Variants in NWD2 observed in about 807,000 individuals in gnomAD.
NWD2 encodes the protein NACHT and WD repeat domain-containing protein 2.
In NWD2, 37 loss-of-function variants were observed where a neutral mutation model predicts 132.7. The ratio of observed to expected loss-of-function variants is 0.28; its 90% CI spans 0.21 to 0.37. NWD2 has a LOEUF of 0.37. NWD2 is among the 10% of genes least tolerant of loss of function. NWD2 has a pLI of 1.00. For synonymous variants in NWD2, 705 were observed against 803.0 expected (o/e 0.88, Z 2.06); for missense variants, 1,592 against 2,122.4 (o/e 0.75, Z 4.91).
intron 3 of NWD2, among the ~76,000 whole-genome samples, chr4:37,411,075 A>G (rs1009600233): frequency 3.9e-5 from 6 of 152,352 alleles, no homozygotes; most frequent in African/African-American, 1.2e-4. Flanking sequence ...TAACATCAAA[A>G]TTAAAAGAAT....
chr4:37,429,906 C>T (rs1712122571), intron 3 of NWD2, among the ~76,000 whole-genome samples: 1 of 152,174 alleles, frequency 6.6e-6, no homozygotes, highest in South Asian at 2.1e-4. Context: ...CCTGATTAGG[C>T]TTCAAATGCT....
chr4:37,403,390 C>T (rs2109316192), intron 3 of NWD2, among the ~76,000 whole-genome samples: 1 of 152,122 alleles, frequency 6.6e-6, no homozygotes, highest in African/African-American at 2.4e-5. Context: ...CATGAAGGGT[C>T]CAGAATAATT....
intron 3 of NWD2, among the ~76,000 whole-genome samples, chr4:37,375,520 A>G (rs1720329409): frequency 6.6e-6 from 1 of 151,904 alleles, no homozygotes; most frequent in African/African-American, 2.4e-5. Context: ...CCAAGCAAGC[A>G]GTCACAGGTG....
intron 1 of NWD2, among the ~76,000 whole-genome samples, chr4:37,282,165 CTCTT>C (rs1718141942): frequency 1.3e-5 from 2 of 152,194 alleles, no homozygotes; most frequent in South Asian, 4.1e-4. Flanking sequence ...AAAGCAACAG[CTCTT>C]TCTATGAAAG....
intron 3 of NWD2, among the ~76,000 whole-genome samples, chr4:37,356,903 G>C (rs1719882309): frequency 6.6e-6 from 1 of 152,176 alleles, no homozygotes; most frequent in Non-Finnish European, 1.5e-5. Context: ...CATTGTTAAA[G>C]TAAATCAAAT....
chr4:37,268,406 G>A (rs777398644), intron 1 of NWD2, among the ~76,000 whole-genome samples: 3 of 151,732 alleles, frequency 2.0e-5, no homozygotes, highest in African/African-American at 4.8e-5. Flanking sequence ...GATCTTTTAC[G>A]TTATTCCTTC....
At chr4:37,330,581 T>G (rs1719272537) in intron 2 of NWD2, among the ~76,000 whole-genome samples, 1 of 152,190 alleles carries the variant, frequency 6.6e-6, no homozygotes, top group African/African-American at 2.4e-5. Flanking sequence ...GGTCTAACCC[T>G]CATTGCTTCA....
At chr4:37,415,958 AAAG>A (rs1711582613) in intron 3 of NWD2, among the ~76,000 whole-genome samples, 1 of 152,196 alleles carries the variant, frequency 6.6e-6, no homozygotes, top group African/African-American at 2.4e-5. Flanking sequence ...CCTCAGTTAA[AAAG>A]AAGAAAATTC....
intron 3 of NWD2, among the ~76,000 whole-genome samples, chr4:37,360,013 G>T (rs1577679063): frequency 6.6e-6 from 1 of 152,086 alleles, no homozygotes; most frequent in East Asian, 1.9e-4. Context: ...AGAGAGGCAA[G>T]TACAGTGGGA....
chr4:37,312,170 T>G (rs1718858334), intron 1 of NWD2, among the ~76,000 whole-genome samples: 1 of 151,536 alleles, frequency 6.6e-6, no homozygotes, highest in African/African-American at 2.4e-5. Context: ...GTGAAGAAAG[T>G]CATTGGTAGC....
intron 3 of NWD2, among the ~76,000 whole-genome samples, chr4:37,402,376 A>G (rs1720911763): frequency 6.6e-6 from 1 of 152,244 alleles, no homozygotes; most frequent in Non-Finnish European, 1.5e-5. Flanking sequence ...GAGATCAGGA[A>G]TAGCGTCTTT....
chr4:37,444,028 G>C lies in NWD2; in HGVS notation c.2040G>C (p.Val680=), dbSNP rs1712560485. The change falls in exon 7 of 7, where the codon GTG becomes GTC. Residue 680 remains valine, a synonymous_variant. Transcript: ENST00000309447. The surrounding 1 kb of genome is among the most constrained non-coding windows in gnomAD (Gnocchi z 4.8). ...TGAGTGAAATGGAACTGGAGGATGT[G>C]TTAGCCCTAGACAACAGTGTAATGA... ...MGLSEMELED[V]LALDNSVMSE... 1.9e-6 allele frequency: 3 copies of C among 1,551,950 alleles called. No homozygotes were observed. The highest frequency in any genetic ancestry group is 2.6e-6 in the Non-Finnish European group (3 of 1,147,088).
At chr4:37,387,096 T>C (rs1027490864) in intron 3 of NWD2, among the ~76,000 whole-genome samples, 1 of 152,170 alleles carries the variant, frequency 6.6e-6, no homozygotes, top group African/African-American at 2.4e-5. Context: ...TGAATCACTG[T>C]TAACTACATT....
chr4:37,297,170 C>G (rs1718512382), intron 1 of NWD2, among the ~76,000 whole-genome samples: 1 of 151,378 alleles, frequency 6.6e-6, no homozygotes, highest in South Asian at 2.1e-4. Context: ...TCCAGGATCC[C>G]TCACAGACAC....
In NWD2 at chr4:37,311,732, G is replaced by T. The variant is rs535860325; in HGVS notation, c.152-14204G>T. Among the ~76,000 whole-genome samples the T allele has an allele frequency of 3.4e-5, 5 of 148,762 alleles. 1 individual carries two copies. Among genetic ancestry groups the T allele is most frequent in the African/African-American group, 7.8e-5 (3 of 38,284 alleles). The stretch of plus-strand genomic sequence containing the variant: ...CCTATGTCCGGAATGGTAATGCCTA[G>T]GTTTTCTTCTAGGGTTTTTATGGTT... On this transcript the variant is annotated intron_variant, in intron 1 of 6. Transcript: ENST00000309447.
intron 2 of NWD2, among the ~76,000 whole-genome samples, chr4:37,335,047 T>G (rs1719371643): frequency 6.6e-6 from 1 of 151,318 alleles, no homozygotes; most frequent in Admixed American, 6.6e-5. Flanking sequence ...ACCCAGCTGG[T>G]TCATCCTCCA....
chr4:37,447,412 G>A lies in NWD2; in HGVS notation c.*195G>A, dbSNP rs1000393440. On this transcript the variant is annotated 3_prime_UTR_variant, in exon 7 of 7. Coordinates refer to ENST00000309447, the MANE Select transcript of NWD2 (RefSeq NM_001144990.2). ...CTTTTTGTCAAAGTGTATCCAGAAT[G>A]TCAGAATTTCTAGTAGTAATATTTA... The A allele has an allele frequency of 1.7e-5, 10 of 583,766 alleles. No homozygotes were observed. In the East Asian group the frequency reaches 2.5e-4, roughly 15 times the overall value. The allele number at this position is 583,766 out of a possible 1,614,324, so 36.2% of individuals were successfully genotyped here. A position where few individuals can be genotyped will look rare whatever the true frequency, so the allele number is the denominator to read the frequency against.
chr4:37,337,855 C>T (rs995102114), intron 2 of NWD2, among the ~76,000 whole-genome samples: 2 of 152,044 alleles, frequency 1.3e-5, no homozygotes, highest in Non-Finnish European at 2.9e-5. Context: ...TTTTCCCTTT[C>T]TGAATTCTCA....
At chr4:37,352,909 GTTAT>G (rs1294614047) in intron 2 of NWD2, among the ~76,000 whole-genome samples, 1 of 152,132 alleles carries the variant, frequency 6.6e-6, no homozygotes, top group Non-Finnish European at 1.5e-5. Context: ...ATGCTAGCTG[GTTAT>G]TTTGCCCATT....
Sources: gnomAD v4.1 joint callset for allele counts (sites outside exome capture counted in the v4.1 genomes callset) on GRCh38, gnomAD v4.1.1 for gene constraint, Gnocchi (gnomAD v3.1) non-coding constraint, MANE v1.5 for transcripts, NCBI Gene and HGNC (gene_info 2026-07-23, HGNC 2026-07-21) for gene names.